SAMSN1: variants seen among roughly 807,000 people sequenced by gnomAD.
The protein encoded by SAMSN1 is SAM domain, SH3 domain and nuclear localization signals 1.
In SAMSN1, 31 loss-of-function variants were observed where a neutral mutation model predicts 42.0. That is an observed-to-expected ratio of 0.74 (90% CI 0.55 to 1.00). The LOEUF (loss-of-function observed/expected upper bound fraction) is 1.00. SAMSN1 is among the 50% of genes least tolerant of loss of function. SAMSN1 has a pLI of 0.00. For synonymous variants in SAMSN1, 178 were observed against 151.9 expected, an observed-to-expected ratio of 1.17 and a Z score of -1.26; for missense variants, 464 against 439.4, an observed-to-expected ratio of 1.06 and a Z score of -0.50.
intron 2 of SAMSN1, among the ~76,000 whole-genome samples, chr21:14,636,248 C>T (rs1983464683): frequency 6.6e-6 from 1 of 152,146 alleles, no homozygotes; most frequent in African/African-American, 2.4e-5. Flanking sequence ...ACATATTTAG[C>T]ACATGTATTA....
chr21:14,611,422 G>T (rs1982704421), intron 4 of SAMSN1, among the ~76,000 whole-genome samples: 1 of 152,208 alleles, frequency 6.6e-6, no homozygotes, highest in African/African-American at 2.4e-5. Flanking sequence ...CACAAATGTT[G>T]AATAATGCAA....
chr21:14,489,548 G>T (rs977489825), intron 7 of SAMSN1, among the ~76,000 whole-genome samples: 1 of 152,020 alleles, frequency 6.6e-6, no homozygotes, highest in African/African-American at 2.4e-5. Flanking sequence ...AAGGACATAC[G>T]TATCTAAATT....
chr21:14,613,314 T>C (rs1982757757), intron 3 of SAMSN1, among the ~76,000 whole-genome samples: 1 of 152,098 alleles, frequency 6.6e-6, no homozygotes, highest in Non-Finnish European at 1.5e-5. Context: ...ATCTGGAAAA[T>C]AATCATCAAT....
At position 14,649,887 on chromosome 21, in the gene SAMSN1, A is replaced by T. The variant is rs188796624; in HGVS notation, c.25-6754T>A. On this transcript the variant is annotated intron_variant, in intron 1 of 15. Transcript: ENST00000647101. Reference sequence around the variant, plus strand: ...TGAAAACCAAAAAAGAACAGAAGTCACTAAACTTATATCAGATAAAATAGA... The same window carrying T: ...TGAAAACCAAAAAAGAACAGAAGTCTCTAAACTTATATCAGATAAAATAGA... 1.1e-4 allele frequency among the ~76,000 whole-genome samples: 17 copies of T among 152,248 alleles called. No homozygotes were observed. The East Asian group carries it at 3.3e-3, about 29-fold the overall frequency.
rs1330974700 is a variant in SAMSN1, at chr21:14,485,950, T to C, written c.1084A>G (p.Met362Val). The change falls in exon 8 of 8, where the codon ATG becomes GTG. Residue 362 changes from methionine (M) to valine (V), a missense_variant. Physicochemically the swap from Met to Val is conservative, Grantham distance 21. Coordinates refer to ENST00000400566, the MANE Select transcript of SAMSN1 (RefSeq NM_022136.5). ...TCTGTGATAATAATCTTATGTACCA[T>C]GTCAGACAGATTTTCAGACTCCAGA... is the stretch of plus-strand genomic sequence containing the variant. ...EDLESENLSD[M>V]VHKIIITEPS... The C allele has an allele frequency of 1.9e-6, 3 of 1,613,758 alleles. No homozygotes were observed. Among genetic ancestry groups the C allele is most frequent in the Non-Finnish European group, 2.5e-6 (3 of 1,179,718 alleles).
rs767931839 is a variant in SAMSN1, at chr21:14,577,238, GTATATA to G, written c.261+4892_261+4897del. ...GGTGGGCTAATTTATATATATGTGT[GTATATA>G]TATATATATATATATATATATATAT... is the stretch of plus-strand genomic sequence containing the variant. On this transcript the variant is annotated intron_variant, in intron 2 of 8. Coordinates refer to the SAMSN1 transcript ENST00000285670. 3.4e-3 allele frequency among the ~76,000 whole-genome samples: 96 copies of G among 28,166 alleles called. 1 individual carries two copies. The highest frequency in any genetic ancestry group is 0.011 in the East Asian group (11 of 980). 18.5% of individuals were successfully genotyped at this position (28,166 alleles called of 152,430 possible).
intron 2 of SAMSN1, among the ~76,000 whole-genome samples, chr21:14,639,222 T>G (rs1174406620): frequency 6.6e-6 from 1 of 152,228 alleles, no homozygotes; most frequent in African/African-American, 2.4e-5. Flanking sequence ...TTCTCTGTCT[T>G]AATCTGTTTT....
At chr21:14,623,837 C>A (rs1270249071) in intron 2 of SAMSN1, among the ~76,000 whole-genome samples, 1 of 152,150 alleles carries the variant, frequency 6.6e-6, no homozygotes, top group African/African-American at 2.4e-5. Flanking sequence ...TTTTCAGCAC[C>A]ACACCACACC....
At position 14,516,973 on chromosome 21, in the gene SAMSN1, C is replaced by A. The variant is rs77412967; in HGVS notation, c.198G>T (p.Leu66Phe). The change falls in exon 3 of 8, where the codon TTG (leucine) becomes TTT (phenylalanine). Residue 66 changes from leucine to phenylalanine, a missense_variant. By Grantham distance (22) the Leu-to-Phe change is conservative. Coordinates refer to ENST00000400566, the MANE Select transcript of SAMSN1 (RefSeq NM_022136.5). ...ATGAAATAGCTCTCATTTTTTTACC[C>A]AAACCGCCTCCATTATTTGAAGTTT... ...QSKTSNNGGG[L>F]GKKMRAISWT... 3.1e-6 allele frequency: 5 copies of A among 1,612,974 alleles called. No individual in the cohort carries two copies. In the East Asian group the frequency reaches 1.1e-4, roughly 36 times the overall value.
chr21:14,522,807 G>A (rs1978580581), intron 1 of SAMSN1, among the ~76,000 whole-genome samples: 1 of 152,050 alleles, frequency 6.6e-6, no homozygotes, highest in Admixed American at 6.5e-5. Context: ...CCAGCTCAGG[G>A]TTGCTGTGAG....
chr21:14,522,205 A>T (rs555553097), intron 1 of SAMSN1, among the ~76,000 whole-genome samples: 110 of 152,332 alleles, frequency 7.2e-4, no homozygotes, highest in African/African-American at 2.6e-3. Context: ...ATGCAACTCA[A>T]TGTAGGCAGG....
chr21:14,537,856 G>T (rs1242941787), intron 1 of SAMSN1, among the ~76,000 whole-genome samples: 1 of 152,148 alleles, frequency 6.6e-6, no homozygotes, highest in African/African-American at 2.4e-5. Context: ...GCCTGGGGGA[G>T]ACTGGAAAAT....
chr21:14,517,072 T>C (rs1476492686), intron 2 of SAMSN1, 31 bp from the exon 3 acceptor site: 2 of 1,566,668 alleles, frequency 1.3e-6, no homozygotes, highest in Non-Finnish European at 1.7e-6. Context: ...AAAGACAAAA[T>C]AATAAAGCAA....
chr21:14,512,706 T>G, intron 3 of SAMSN1, 133 bp from the exon 4 acceptor site: 1 of 782,566 alleles, frequency 1.3e-6, no homozygotes, highest in Non-Finnish European at 2.0e-6. Flanking sequence ...AATACAAAAG[T>G]AGTTCATCTT....
intron 2 of SAMSN1, among the ~76,000 whole-genome samples, chr21:14,640,821 CATACATGTTTGTATGT>C (rs1983576829): frequency 6.6e-6 from 1 of 152,036 alleles, no homozygotes; most frequent in Non-Finnish European, 1.5e-5. Context: ...TGTATACATA[CATACATGTTTGTATGT>C]ATACATATAT....
intron 6 of SAMSN1, among the ~76,000 whole-genome samples, chr21:14,599,778 A>G (rs1363279072): frequency 6.6e-6 from 1 of 152,140 alleles, no homozygotes; most frequent in African/African-American, 2.4e-5. Flanking sequence ...CAGATGCCCA[A>G]TCTTGAACTT....
In SAMSN1 at chr21:14,498,046, G is replaced by T. The variant is rs552614919; in HGVS notation, c.919+396C>A. ...AATGAGTTTTCCTGTGTGCCATGAAGGCTCATTATCTTAAAGCCTCGTGTT... is the reference window on the plus strand; with the variant it reads ...AATGAGTTTTCCTGTGTGCCATGAATGCTCATTATCTTAAAGCCTCGTGTT... On this transcript the variant is annotated intron_variant, in intron 7 of 7. Transcript: ENST00000400566. Among the ~76,000 whole-genome samples the T allele has an allele frequency of 9.2e-5, 14 of 152,300 alleles. 1 individual carries two copies. In the East Asian group the frequency reaches 2.7e-3, roughly 29 times the overall value.
At chr21:14,531,617 T>C (rs796357888) in intron 1 of SAMSN1, among the ~76,000 whole-genome samples, 4 of 152,242 alleles carry the variant, frequency 2.6e-5, no homozygotes, top group African/African-American at 9.6e-5. Flanking sequence ...AACTTTAGTT[T>C]CCTGAAATAT....
Position 14,509,432 on chromosome 21 carries a change from A to G in SAMSN1, c.561+878T>C, listed in dbSNP as rs147873136. The stretch of plus-strand genomic sequence containing the variant: ...GTGAGAAGGTGGTGAGGGATAAATT[A>G]CTACAAATAGAGTGCAGTGTATACT... On this transcript the variant is annotated intron_variant, in intron 5 of 7. Coordinates refer to ENST00000400566, the MANE Select transcript of SAMSN1 (RefSeq NM_022136.5). 7.7e-4 allele frequency among the ~76,000 whole-genome samples: 118 copies of G among 152,360 alleles called. 1 individual carries two copies. Among genetic ancestry groups the G allele is most frequent in the African/African-American group, 2.7e-3 (112 of 41,594 alleles).
Sources: gnomAD v4.1 joint callset for allele counts (sites outside exome capture counted in the v4.1 genomes callset) on GRCh38, gnomAD v4.1.1 for gene constraint, MANE v1.5 for transcripts, NCBI Gene and HGNC (gene_info 2026-07-23, HGNC 2026-07-21) for gene names.